Variants in SFSWAP observed in about 807,000 individuals in gnomAD.
The protein encoded by SFSWAP is splicing factor, suppressor of white-apricot homolog.
SFSWAP carries 17 observed loss-of-function variants against 100.7 expected under a neutral mutation model. That is an observed-to-expected ratio of 0.17 (90% CI 0.12 to 0.25). SFSWAP has a LOEUF of 0.25. Ranked by LOEUF, SFSWAP falls within the 10% of genes least tolerant of loss-of-function variation. The probability of loss-of-function intolerance (pLI) is 1.00; values close to 1 mark genes in which losing one functional copy is unlikely to be tolerated. For missense variants in SFSWAP, 1,005 were observed against 1,262.6 expected, an observed-to-expected ratio of 0.80 and a Z score of 3.09; for synonymous variants, 504 against 510.1, an observed-to-expected ratio of 0.99 and a Z score of 0.16.
intron 7 of SFSWAP, among the ~76,000 whole-genome samples, chr12:131,748,926 A>G (rs930076581): frequency 6.6e-6 from 1 of 152,260 alleles, no homozygotes; most frequent in African/African-American, 2.4e-5. Flanking sequence ...TTTAAAACGT[A>G]GTCCCCTTTG....
chr12:131,738,882 A>ATTCTTTTTT (rs1880303710), intron 7 of SFSWAP, among the ~76,000 whole-genome samples: 1 of 40,182 alleles, frequency 2.5e-5, no homozygotes, highest in East Asian at 9.7e-4. Flanking sequence ...AATGAACATT[A>ATTCTTTTTT]TTCTTTTTTT....
intron 5 of SFSWAP, among the ~76,000 whole-genome samples, chr12:131,726,654 C>A (rs1236643168): frequency 6.6e-6 from 1 of 152,042 alleles, no homozygotes; most frequent in African/African-American, 2.4e-5. Flanking sequence ...ACAATTTTTG[C>A]CCTTTTTTAA....
rs114198101 is a variant in SFSWAP at position 131,750,481 on chromosome 12, G to A, written c.1082-2642G>A. On this transcript the variant is annotated intron_variant, in intron 7 of 17. Coordinates refer to ENST00000261674, the MANE Select transcript of SFSWAP (RefSeq NM_004592.4). ...CAGCAGCAGTGGCTAGCAGCAGACCGCCTCACAGAGGCTGCGCGTGTCTCG... is the reference window on the plus strand; with the variant it reads ...CAGCAGCAGTGGCTAGCAGCAGACCACCTCACAGAGGCTGCGCGTGTCTCG... 5.0e-3 allele frequency among the ~76,000 whole-genome samples: 757 copies of A among 152,296 alleles called. 6 individuals carry two copies. Among genetic ancestry groups the A allele is most frequent in the African/African-American group, 0.017 (699 of 41,554 alleles).
chr12:131,747,806 G>A (rs1254966600), intron 7 of SFSWAP, among the ~76,000 whole-genome samples: 1 of 152,228 alleles, frequency 6.6e-6, no homozygotes, highest in African/African-American at 2.4e-5. Flanking sequence ...AAATATGTAC[G>A]AGACATCCCA....
chr12:131,762,190 G>A (rs868557523), intron 11 of SFSWAP, among the ~76,000 whole-genome samples: 17 of 151,948 alleles, frequency 1.1e-4, no homozygotes, highest in African/African-American at 2.4e-4. Context: ...CTGAGATCGC[G>A]CCTTTGCACT....
intron 11 of SFSWAP, among the ~76,000 whole-genome samples, chr12:131,760,437 C>T (rs1360044525): frequency 6.6e-6 from 1 of 152,100 alleles, no homozygotes; most frequent in Non-Finnish European, 1.5e-5. Context: ...AATGTAGCCT[C>T]ATTAACAAGT....
chr12:131,742,885 A>G (rs1031505655), intron 7 of SFSWAP, among the ~76,000 whole-genome samples: 3 of 152,206 alleles, frequency 2.0e-5, no homozygotes, highest in Non-Finnish European at 4.4e-5. Flanking sequence ...TTACAGTTCC[A>G]CATGGCTGGG....
chr12:131,777,928 T>C, intron 13 of SFSWAP, 137 bp from the exon 14 acceptor site: 6 of 1,396,280 alleles, frequency 4.3e-6, no homozygotes, highest in Non-Finnish European at 5.7e-6. Context: ...TCACTCTGGA[T>C]AGCCACAGGA....
rs905033690 is a variant in SFSWAP, at chr12:131,785,382, A to G, written c.2409-1081A>G. ...ATCCCGAGCTGATCTGCAGAAGCACAGCCTGTGGCATTTGCGGTTTATTGT... is the reference window on the plus strand; with the variant it reads ...ATCCCGAGCTGATCTGCAGAAGCACGGCCTGTGGCATTTGCGGTTTATTGT... On this transcript the variant is annotated intron_variant, in intron 14 of 17. Transcript: ENST00000261674. The G allele has an allele frequency of 2.5e-5, 15 of 589,208 alleles. No homozygotes were observed. In the African/African-American group the frequency reaches 2.8e-4, roughly 11 times the overall value. The allele number at this position is 589,208 out of a possible 1,614,324, so 36.5% of individuals were successfully genotyped here. A position where few individuals can be genotyped will look rare whatever the true frequency, so the allele number is the denominator to read the frequency against.
At chr12:131,788,097 G>A (rs1327297034) in intron 15 of SFSWAP, among the ~76,000 whole-genome samples, 2 of 152,174 alleles carry the variant, frequency 1.3e-5, no homozygotes, top group Non-Finnish European at 2.9e-5. Flanking sequence ...ATATGTGAAG[G>A]GCATGGTTAG....
intron 7 of SFSWAP, among the ~76,000 whole-genome samples, chr12:131,748,554 C>G (rs1205480705): frequency 6.6e-6 from 1 of 152,218 alleles, no homozygotes; most frequent in African/African-American, 2.4e-5. Flanking sequence ...AGAACCTTCT[C>G]AGCACAGGAG....
At chr12:131,753,877 G>A (rs189298755) in intron 8 of SFSWAP, among the ~76,000 whole-genome samples, 2 of 152,284 alleles carry the variant, frequency 1.3e-5, no homozygotes, top group African/African-American at 4.8e-5. Context: ...TTCAGGGGAC[G>A]AGTATGAGAC....
intron 7 of SFSWAP, among the ~76,000 whole-genome samples, chr12:131,750,321 C>T (rs1881506925): frequency 6.6e-6 from 1 of 152,246 alleles, no homozygotes; most frequent in Non-Finnish European, 1.5e-5. Context: ...TCTCTGTCGG[C>T]AGACAGAGAA....
intron 13 of SFSWAP, among the ~76,000 whole-genome samples, chr12:131,769,555 T>C (rs2136243321): frequency 6.6e-6 from 1 of 152,364 alleles, no homozygotes; most frequent in Non-Finnish European, 1.5e-5. Flanking sequence ...ACCAGAATTA[T>C]TTCCTTATAA....
Position 131,766,209 on chromosome 12 carries a change from A to G in SFSWAP, c.2043A>G (p.Ala681=). ...AGTCAAAAGAGAAACAGCTTCAAGCAGAACGTAAAAGGAAAGCGGCGTTAT... is the reference window on the plus strand; with the variant it reads ...AGTCAAAAGAGAAACAGCTTCAAGCGGAACGTAAAAGGAAAGCGGCGTTAT... The part of the protein sequence containing the change: ...SKESKEKQLQ[A]ERKRKAALFL... The change falls in exon 13 of 18, where the codon GCA becomes GCG. Residue 681 remains alanine (A), a synonymous_variant. Transcript: ENST00000261674. 1 of 1,614,234 alleles carries G rather than the reference A, an allele frequency of 6.2e-7. No individual in the cohort carries two copies. Among genetic ancestry groups the G allele is most frequent in the Non-Finnish European group, 8.5e-7 (1 of 1,180,040 alleles).
chr12:131,779,894 C>G (rs1339481642), intron 14 of SFSWAP, among the ~76,000 whole-genome samples: 3 of 152,268 alleles, frequency 2.0e-5, no homozygotes, highest in Non-Finnish European at 4.4e-5. Flanking sequence ...TCAAGTGATT[C>G]TTCTGCCTCA....
At chr12:131,723,147 T>C (rs181938376) in intron 4 of SFSWAP, 4 of 150,462 alleles carry the variant, frequency 2.7e-5, no homozygotes, top group Admixed American at 2.6e-4. Context: ...GAGCATTATT[T>C]CATCATAATT....
chr12:131,799,663 A>T lies in SFSWAP; in HGVS notation c.*175A>T, dbSNP rs943980767. On this transcript the variant is annotated 3_prime_UTR_variant, in exon 18 of 18. Transcript: ENST00000261674. ...TTCTGACCAGCAGTCTCTTACCTGTATATTTGTAAATATATCATGTTTCTG... is the reference window on the plus strand; with the variant it reads ...TTCTGACCAGCAGTCTCTTACCTGTTTATTTGTAAATATATCATGTTTCTG... 6.3e-5 allele frequency: 37 copies of T among 589,598 alleles called. 1 individual carries two copies. In the South Asian group the frequency reaches 7.4e-4, roughly 12 times the overall value. 36.5% of individuals were successfully genotyped at this position (589,598 alleles called of 1,614,324 possible).
chr12:131,776,749 G>C (rs1884057362), intron 13 of SFSWAP, among the ~76,000 whole-genome samples: 1 of 152,180 alleles, frequency 6.6e-6, no homozygotes, highest in Non-Finnish European at 1.5e-5. Flanking sequence ...ATTTCTTCGA[G>C]GCACAAAGGA....
Sources: gnomAD v4.1 joint callset for allele counts (sites outside exome capture counted in the v4.1 genomes callset) on GRCh38, gnomAD v4.1.1 for gene constraint, MANE v1.5 for transcripts, NCBI Gene and HGNC (gene_info 2026-07-23, HGNC 2026-07-21) for gene names.